SH3BP4: variants seen among roughly 807,000 people sequenced by gnomAD.
SH3BP4 encodes SH3 domain binding protein 4, also known as SH3 domain-binding protein 4.
A neutral mutation model predicts 65.5 loss-of-function variants in SH3BP4; 33 were observed. That is an observed-to-expected ratio of 0.50 (90% CI 0.38 to 0.67). The LOEUF is 0.67. SH3BP4 is among the 30% of genes least tolerant of loss of function. SH3BP4 has a pLI of 0.00. For synonymous variants in SH3BP4, 552 were observed against 545.5 expected (o/e 1.01, Z -0.17); for missense variants, 1,134 against 1,261.4 (o/e 0.90, Z 1.53).
At chr2:235,032,168 C>A (rs987668336) in intron 2 of SH3BP4, among the ~76,000 whole-genome samples, 3 of 152,214 alleles carry the variant, frequency 2.0e-5, no homozygotes, top group African/African-American at 7.2e-5. Context: ...CGGCGCAGTC[C>A]TCGGAGTAGC....
intron 2 of SH3BP4, among the ~76,000 whole-genome samples, chr2:235,013,650 T>G (rs915499431): frequency 5.3e-5 from 8 of 152,226 alleles, no homozygotes; most frequent in Non-Finnish European, 8.8e-5. Context: ...TAAGGGGGTT[T>G]TGCCTGCAGT....
chr2:235,002,530 A>T (rs1694159823), intron 2 of SH3BP4, among the ~76,000 whole-genome samples: 2 of 152,204 alleles, frequency 1.3e-5, no homozygotes, highest in African/African-American at 4.8e-5. Context: ...GTTCAAGTCC[A>T]GCCTGGGCAA....
chr2:234,998,918 C>T (rs1694011867), intron 2 of SH3BP4, among the ~76,000 whole-genome samples: 1 of 152,218 alleles, frequency 6.6e-6, no homozygotes, highest in South Asian at 2.1e-4. Flanking sequence ...GGCACTGATT[C>T]TGCACCTGCC....
Position 235,035,752 on chromosome 2 carries a change from G to A in SH3BP4, c.118+632G>A, listed in dbSNP as rs1695358316. ...CCTGGGTCTCTGGGTTTCTCCAGTG[G>A]CCTCGTAAAATTGAGTTCATGAGAA... On this transcript the variant is annotated intron_variant, in intron 3 of 5. Transcript: ENST00000392011. The surrounding 1 kb of genome is among the most constrained non-coding windows in gnomAD (Gnocchi z 5.0). Among the ~76,000 whole-genome samples, 3 of 152,178 alleles carry A rather than the reference G, an allele frequency of 2.0e-5. No individual in the cohort carries two copies. The highest frequency in any genetic ancestry group is 2.0e-4 in the Admixed American group (3 of 15,266).
rs1026012438 is a variant in SH3BP4 at position 235,046,359 on chromosome 2, G to A, written c.2478+3112G>A. Among the ~76,000 whole-genome samples the A allele has an allele frequency of 6.6e-5, 10 of 152,052 alleles. No individual in the cohort carries two copies. The highest frequency in any genetic ancestry group is 3.3e-4 in the Admixed American group (5 of 15,258). On this transcript the variant is annotated intron_variant, in intron 4 of 5. Coordinates refer to ENST00000392011, the MANE Select transcript of SH3BP4 (RefSeq NM_014521.3). This position sits in a 1 kb window ranked among gnomAD's most constrained non-coding sequence, Gnocchi z 4.2. ...TGAGACAGGAGAATCGCTTGAGCCC[G>A]GGAATTCAAGACCAGCCTGAGCAAC... is the stretch of plus-strand genomic sequence containing the variant.
At chr2:235,018,450 TGTTA>T (rs1354439598) in intron 2 of SH3BP4, among the ~76,000 whole-genome samples, 1 of 152,136 alleles carries the variant, frequency 6.6e-6, no homozygotes, top group Non-Finnish European at 1.5e-5. Flanking sequence ...TAAACACCAA[TGTTA>T]GTTACCACAG....
At position 235,046,111 on chromosome 2, in the gene SH3BP4, C is replaced by T. The variant is rs1035512192; in HGVS notation, c.2478+2864C>T. 6.6e-6 allele frequency among the ~76,000 whole-genome samples: 1 copy of T among 152,188 alleles called. No homozygotes were observed. ...GAACACACCCAGCTCGCCCGGCCTC[C>T]AGCTCCTGCAGATGCTATGCTGTTC... On this transcript the variant is annotated intron_variant, in intron 4 of 5. Coordinates refer to ENST00000392011, the MANE Select transcript of SH3BP4 (RefSeq NM_014521.3). The surrounding 1 kb of genome is among the most constrained non-coding windows in gnomAD (Gnocchi z 4.2).
intron 4 of SH3BP4, among the ~76,000 whole-genome samples, chr2:235,044,378 G>T (rs549663265): frequency 6.6e-6 from 1 of 152,376 alleles, no homozygotes; most frequent in Non-Finnish European, 1.5e-5. Context: ...CGTCAGCAGA[G>T]CTGGGTCCTG....
chr2:234,952,860 G>C lies in SH3BP4; in HGVS notation c.-207+690G>C, dbSNP rs1042220320. 6.6e-6 allele frequency: 1 copy of C among 152,174 alleles called. No homozygotes were observed. The highest frequency in any genetic ancestry group is 2.4e-5 in the African/African-American group (1 of 41,458). The allele number at this position is 152,174 out of a possible 1,614,324, so 9.4% of individuals were successfully genotyped here. On this transcript the variant is annotated intron_variant, in intron 1 of 5. Transcript: ENST00000392011. The surrounding 1 kb of genome is among the most constrained non-coding windows in gnomAD (Gnocchi z 6.5). ...CGTTGTTCTCTGAGCGATGTTTACCGAGAAGCCCGCTCCGCGGCACGGGCG... is the reference window on the plus strand; with the variant it reads ...CGTTGTTCTCTGAGCGATGTTTACCCAGAAGCCCGCTCCGCGGCACGGGCG...
At position 235,054,668 on chromosome 2, in the gene SH3BP4, G is replaced by A. The variant is rs893541784; in HGVS notation, c.*852G>A. The stretch of plus-strand genomic sequence containing the variant: ...AGAGTGAGGTGGTCCCTGCTGCTAC[G>A]AGGCCATTGTACTGTTTTTTCCTTG... On this transcript the variant is annotated 3_prime_UTR_variant, in exon 6 of 6. Coordinates refer to ENST00000392011, the MANE Select transcript of SH3BP4 (RefSeq NM_014521.3). 5 of 152,194 alleles carry A rather than the reference G, an allele frequency of 3.3e-5. No individual in the cohort carries two copies. The highest frequency in any genetic ancestry group is 1.2e-4 in the African/African-American group (5 of 41,436). 9.4% of individuals were successfully genotyped at this position (152,194 alleles called of 1,614,324 possible).
At chr2:235,053,059 A>G (rs903640490) in intron 5 of SH3BP4, among the ~76,000 whole-genome samples, 4 of 152,218 alleles carry the variant, frequency 2.6e-5, no homozygotes, top group African/African-American at 7.2e-5. Flanking sequence ...GAATAATGCA[A>G]TAACACATAC....
At chr2:234,992,518 G>A (rs187420839) in intron 1 of SH3BP4, among the ~76,000 whole-genome samples, 13 of 151,600 alleles carry the variant, frequency 8.6e-5, no homozygotes, top group African/African-American at 3.1e-4. Flanking sequence ...CATTCCTGCT[G>A]TGTGGCTCTA....
At chr2:234,973,505 A>C (rs1036070370) in intron 1 of SH3BP4, among the ~76,000 whole-genome samples, 3 of 152,120 alleles carry the variant, frequency 2.0e-5, no homozygotes, top group Admixed American at 6.6e-5. Flanking sequence ...TTTGTTGACC[A>C]CCTCTTATGC....
rs367948108 is a variant in SH3BP4, at chr2:234,997,110, G to C, written c.-133+1734G>C. Among the ~76,000 whole-genome samples the C allele has an allele frequency of 2.0e-5, 3 of 152,246 alleles. No homozygotes were observed. Among genetic ancestry groups the C allele is most frequent in the Non-Finnish European group, 2.9e-5 (2 of 68,046 alleles). On this transcript the variant is annotated intron_variant, in intron 2 of 5. Coordinates refer to ENST00000392011, the MANE Select transcript of SH3BP4 (RefSeq NM_014521.3). This position sits in a 1 kb window ranked among gnomAD's most constrained non-coding sequence, Gnocchi z 4.2. ...CACCCAGACTTGCCCTGGATACAGC[G>C]GGCAGAGCGTTGCATGTGCCTCTGG...
chr2:234,966,680 A>G (rs1358681511), intron 1 of SH3BP4, among the ~76,000 whole-genome samples: 3 of 152,160 alleles, frequency 2.0e-5, no homozygotes, highest in Admixed American at 6.5e-5. Context: ...TGCAAACTCT[A>G]TTTCACATTC....
chr2:234,952,091 C>CCG lies in SH3BP4; in HGVS notation c.-278_-277dup, dbSNP rs1467258866. The CCG allele has an allele frequency of 6.7e-6, 1 of 148,468 alleles. No individual in the cohort carries two copies. The highest frequency in any genetic ancestry group is 2.4e-5 in the African/African-American group (1 of 40,934). The allele number at this position is 148,468 out of a possible 1,614,324, so 9.2% of individuals were successfully genotyped here. A position where few individuals can be genotyped will look rare whatever the true frequency, so the allele number is the denominator to read the frequency against. On this transcript the variant is annotated 5_prime_UTR_variant, in exon 1 of 6. Coordinates refer to ENST00000392011, the MANE Select transcript of SH3BP4 (RefSeq NM_014521.3). The surrounding 1 kb of genome is among the most constrained non-coding windows in gnomAD (Gnocchi z 6.5). ...CGCCGCCGCCGTGAGTCCCGCGGAGCCGCGCGCGCCCCCGGCTGGGCCGAG... is the reference window on the plus strand; with the variant it reads ...CGCCGCCGCCGTGAGTCCCGCGGAGCCGCGCGCGCGCCCCCGGCTGGGCCGAG...
In SH3BP4 at chr2:235,040,896, C is replaced by G; in HGVS notation, c.127C>G (p.Pro43Ala). Residue 43 changes from proline to alanine, a missense_variant, in exon 4 of 6, where the codon CCC (proline) becomes GCC (alanine). Coordinates refer to ENST00000392011, the MANE Select transcript of SH3BP4 (RefSeq NM_014521.3). ...TSFNDIKVPSPSALLVDNPTP... is the reference protein window; with the variant it reads ...TSFNDIKVPSASALLVDNPTP... ...CTTTGTGTTTTGCACAGTGCCTTCT[C>G]CCAGTGCCTTGCTCGTAGACAACCC... 6.2e-7 allele frequency: 1 copy of G among 1,610,770 alleles called. No individual in the cohort carries two copies. The highest frequency in any genetic ancestry group is 8.5e-7 in the Non-Finnish European group (1 of 1,177,172).
chr2:235,017,729 C>T (rs545115376), intron 2 of SH3BP4, among the ~76,000 whole-genome samples: 42 of 152,304 alleles, frequency 2.8e-4, no homozygotes, highest in African/African-American at 9.6e-4. Context: ...GGCCCCCTCC[C>T]CTGCTTTTTC....
At chr2:234,983,488 C>G (rs1040956821) in intron 1 of SH3BP4, among the ~76,000 whole-genome samples, 1 of 152,166 alleles carries the variant, frequency 6.6e-6, no homozygotes, top group African/African-American at 2.4e-5. Flanking sequence ...GAGTGGGCAG[C>G]AATGGTGTGC....
Sources: gnomAD v4.1 joint callset for allele counts (sites outside exome capture counted in the v4.1 genomes callset) on GRCh38, gnomAD v4.1.1 for gene constraint, Gnocchi (gnomAD v3.1) non-coding constraint, MANE v1.5 for transcripts, NCBI Gene and HGNC (gene_info 2026-07-23, HGNC 2026-07-21) for gene names.